Variants in GLIPR1L2 observed in about 807,000 individuals in gnomAD.
The protein encoded by GLIPR1L2 is GLIPR1 like 2, also known as GLIPR1-like protein 2.
Under a neutral mutation model 28.4 loss-of-function variants are expected in GLIPR1L2, and 21 were observed. The observed-to-expected ratio is 0.74, with a 90% CI of 0.52 to 1.06. The LOEUF is 1.06. Ranked by LOEUF, GLIPR1L2 falls within the 50% of genes least tolerant of loss-of-function variation. GLIPR1L2 has a pLI of 0.00. For missense variants in GLIPR1L2, 476 were observed against 416.9 expected, an observed-to-expected ratio of 1.14 and a Z score of -1.23; for synonymous variants, 145 against 139.3, an observed-to-expected ratio of 1.04 and a Z score of -0.29.
intron 1 of GLIPR1L2, 78 bp from the exon 2 acceptor site, chr12:75,410,356 A>G: frequency 7.5e-7 from 1 of 1,327,774 alleles, no homozygotes; most frequent in Non-Finnish European, 1.0e-6. Flanking sequence ...TTTAAATCTA[A>G]TGATAACTCA....
At chr12:75,418,286 G>A (rs1361712023) in intron 3 of GLIPR1L2, among the ~76,000 whole-genome samples, 2 of 152,048 alleles carry the variant, frequency 1.3e-5, no homozygotes, top group African/African-American at 4.8e-5. Flanking sequence ...GTAAAACTGA[G>A]TTTTTCACTC....
intron 3 of GLIPR1L2, among the ~76,000 whole-genome samples, chr12:75,419,044 G>A (rs1418278827): frequency 2.0e-5 from 3 of 152,130 alleles, no homozygotes; most frequent in Admixed American, 2.0e-4. Context: ...ATAGCATTAG[G>A]AGAAATACCT....
In GLIPR1L2 at chr12:75,391,186, T is replaced by TC; in HGVS notation, c.70_71insC (p.Leu24SerfsTer7). 6.2e-7 allele frequency: 1 copy of TC among 1,614,210 alleles called. No homozygotes were observed. The highest frequency in any genetic ancestry group is 8.5e-7 in the Non-Finnish European group (1 of 1,180,030). On this transcript the variant is annotated frameshift_variant, in exon 1 of 6. Coordinates refer to ENST00000550916, the MANE Select transcript of GLIPR1L2 (RefSeq NM_001270396.2). LOFTEE classifies it high-confidence loss of function. The stretch of plus-strand genomic sequence containing the variant: ...CCTACCCCTGGCAGTAGGGGGCGTT[T>TC]TGAAGCTGCGGCTCTGTGAGCTGTG...
chr12:75,392,338 A>G (rs2045629640), intron 1 of GLIPR1L2, among the ~76,000 whole-genome samples: 1 of 152,210 alleles, frequency 6.6e-6, no homozygotes, highest in Non-Finnish European at 1.5e-5. Context: ...TGATTTGGAC[A>G]TGTTCAATTA....
chr12:75,391,399 C>T, intron 1 of GLIPR1L2, 49 bp downstream of exon 1: 2 of 1,602,962 alleles, frequency 1.2e-6, no homozygotes, highest in Non-Finnish European at 1.7e-6. Context: ...GTTGCCACAA[C>T]GCCTCCCTGG....
At chr12:75,414,033 AATTT>A (rs1246201258) in intron 3 of GLIPR1L2, among the ~76,000 whole-genome samples, 1 of 152,034 alleles carries the variant, frequency 6.6e-6, no homozygotes, top group Non-Finnish European at 1.5e-5. Flanking sequence ...GATGTGTTGA[AATTT>A]ATTTAGTAAG....
chr12:75,424,491 G>C (rs926015131), intron 4 of GLIPR1L2, among the ~76,000 whole-genome samples: 1 of 152,136 alleles, frequency 6.6e-6, no homozygotes, highest in Non-Finnish European at 1.5e-5. Flanking sequence ...TGTCACACAG[G>C]CTGGAATGCA....
intron 3 of GLIPR1L2, among the ~76,000 whole-genome samples, chr12:75,418,854 T>A (rs2139955195): frequency 6.6e-6 from 1 of 152,246 alleles, no homozygotes; most frequent in Non-Finnish European, 1.5e-5. Flanking sequence ...TTTATTCATG[T>A]CCTTTGCAGG....
chr12:75,415,002 C>T (rs993196194), intron 3 of GLIPR1L2, among the ~76,000 whole-genome samples: 14 of 151,864 alleles, frequency 9.2e-5, no homozygotes, highest in Non-Finnish European at 2.1e-4. Flanking sequence ...GTCTAGAAGA[C>T]AGATAGGGTA....
Position 75,430,864 on chromosome 12 carries a change from A to G in GLIPR1L2, c.738A>G (p.Pro246=), listed in dbSNP as rs924644369. The G allele has an allele frequency of 7.2e-6, 11 of 1,535,382 alleles. No individual in the cohort carries two copies. The highest frequency in any genetic ancestry group is 9.6e-6 in the Non-Finnish European group (11 of 1,146,318). ...ATCCAAAATGGGAAATGCCCCGGCC[A>G]GTTGTGTGTGATCCACTGTGCACAT... ...FWYPKWEMPR[P]VVCDPLCTFI... The change falls in exon 6 of 6, where the codon CCA becomes CCG. Residue 246 remains proline, a synonymous_variant. Transcript: ENST00000550916.
chr12:75,414,027 T>G (rs575633935), intron 3 of GLIPR1L2, among the ~76,000 whole-genome samples: 1 of 152,032 alleles, frequency 6.6e-6, no homozygotes, highest in African/African-American at 2.4e-5. Flanking sequence ...AAATTAGATG[T>G]GTTGAAATTT....
At chr12:75,414,388 T>A (rs1406986799) in intron 3 of GLIPR1L2, among the ~76,000 whole-genome samples, 2 of 152,008 alleles carry the variant, frequency 1.3e-5, no homozygotes, top group African/African-American at 4.8e-5. Context: ...TGAATTAACA[T>A]CTTAAATAAA....
chr12:75,391,650 A>T lies in GLIPR1L2; in HGVS notation c.234+300A>T. Reference sequence around the variant, plus strand: ...TGATATTTTAATGCAACGGGTTTTTAAAAATTAAAAATCAGTGCAAAAATA... The same window carrying T: ...TGATATTTTAATGCAACGGGTTTTTTAAAATTAAAAATCAGTGCAAAAATA... On this transcript the variant is annotated intron_variant, in intron 1 of 5. Transcript: ENST00000550916. 5.6e-6 allele frequency: 4 copies of T among 708,184 alleles called. No individual in the cohort carries two copies. The South Asian group carries it at 6.3e-5, about 11-fold the overall frequency. The allele number at this position is 708,184 out of a possible 1,614,324, so 43.9% of individuals were successfully genotyped here. A position where few individuals can be genotyped will look rare whatever the true frequency, so the allele number is the denominator to read the frequency against.
intron 1 of GLIPR1L2, among the ~76,000 whole-genome samples, chr12:75,397,844 C>G (rs2045696744): frequency 6.6e-6 from 1 of 152,096 alleles, no homozygotes; most frequent in South Asian, 2.1e-4. Context: ...ATATTTCAGT[C>G]CCAGAACTTG....
Position 75,431,157 on chromosome 12 carries a change from A to G in GLIPR1L2, c.1031A>G (p.Lys344Arg). 1.3e-6 allele frequency: 1 copy of G among 745,112 alleles called. No individual in the cohort carries two copies. The highest frequency in any genetic ancestry group is 1.6e-5 in the South Asian group (1 of 62,772). 46.2% of individuals were successfully genotyped at this position (745,112 alleles called of 1,614,324 possible). A position where few individuals can be genotyped will look rare whatever the true frequency, so the allele number is the denominator to read the frequency against. Residue 344 changes from lysine to arginine, a missense_variant, in exon 6 of 6, where the codon AAA (lysine) becomes AGA (arginine). Transcript: ENST00000550916. ...TQKEKMEEEE[K>R] Reference sequence around the variant, plus strand: ...AAAGAAAAGATGGAGGAAGAGGAAAAATAAGAGTAGAAAGAGGAGGAAAAA... The same window carrying G: ...AAAGAAAAGATGGAGGAAGAGGAAAGATAAGAGTAGAAAGAGGAGGAAAAA...
intron 4 of GLIPR1L2, among the ~76,000 whole-genome samples, chr12:75,426,220 A>G (rs2046032827): frequency 6.6e-6 from 1 of 152,250 alleles, no homozygotes; most frequent in East Asian, 1.9e-4. Context: ...ACTTCAGTGG[A>G]AAAGAAAGAA....
At chr12:75,423,394 A>T in intron 4 of GLIPR1L2, 1 of 979,530 alleles carries the variant, frequency 1.0e-6, no homozygotes, top group Non-Finnish European at 1.2e-6. Flanking sequence ...CAAAAAGCTG[A>T]AATCTCCAAA....
chr12:75,404,889 G>T (rs1376652048), intron 1 of GLIPR1L2, among the ~76,000 whole-genome samples: 1 of 150,394 alleles, frequency 6.6e-6, no homozygotes, highest in Non-Finnish European at 1.5e-5. Flanking sequence ...TAAATTAATA[G>T]ATATTCATTG....
chr12:75,423,299 A>T, intron 4 of GLIPR1L2: 1 of 1,175,548 alleles, frequency 8.5e-7, no homozygotes, highest in Non-Finnish European at 1.0e-6. Context: ...AGCCTGTTTG[A>T]TAATAACTGC....
Sources: allele counts gnomAD v4.1 joint callset (sites outside exome capture counted in the v4.1 genomes callset), GRCh38; gene constraint gnomAD v4.1.1; transcripts MANE v1.5; gene names NCBI Gene and HGNC (gene_info 2026-07-23, HGNC 2026-07-21).